Variants in NCALD observed in about 807,000 individuals in gnomAD.
NCALD encodes the protein neurocalcin delta.
Under a neutral mutation model 18.6 loss-of-function variants are expected in NCALD, and 10 were observed. That is an observed-to-expected ratio of 0.54 (90% CI 0.33 to 0.91). The LOEUF (loss-of-function observed/expected upper bound fraction) is 0.91, where lower values mean the gene tolerates loss of function less well. Among genes scored for constraint, NCALD ranks in the 40% least tolerant of loss-of-function variants. The pLI, the probability that NCALD is intolerant of heterozygous loss-of-function variation, is 0.03. For missense variants in NCALD, 184 were observed against 247.6 expected (o/e 0.74, Z 1.72); for synonymous variants, 88 against 87.4 (o/e 1.01, Z -0.04).
intron 2 of NCALD, among the ~76,000 whole-genome samples, chr8:101,717,656 C>T (rs1456882701): frequency 6.6e-6 from 1 of 152,126 alleles, no homozygotes; most frequent in African/African-American, 2.4e-5. Context: ...AGCAAAGGAG[C>T]ATTTTCCTGA....
At chr8:102,102,031 T>C (rs1369589587) in intron 1 of NCALD, among the ~76,000 whole-genome samples, 1 of 147,304 alleles carries the variant, frequency 6.8e-6, no homozygotes, top group Non-Finnish European at 1.5e-5. Context: ...AAACTCATCC[T>C]CTATTCTTCA....
At chr8:101,691,432 AAC>A (rs1409884239) in intron 3 of NCALD, 4 of 985,284 alleles carry the variant, frequency 4.1e-6, no homozygotes, top group African/African-American at 3.5e-5. Context: ...GCCTGTGATC[AAC>A]ACACAGTTAG....
At chr8:101,955,685 A>T (rs1414385918) in intron 2 of NCALD, among the ~76,000 whole-genome samples, 1 of 152,248 alleles carries the variant, frequency 6.6e-6, no homozygotes, top group Non-Finnish European at 1.5e-5. Flanking sequence ...GTTTAATTAA[A>T]TACAATAAGG....
intron 4 of NCALD, among the ~76,000 whole-genome samples, chr8:101,800,882 AGG>A (rs1812816007): frequency 1.7e-5 from 1 of 59,776 alleles, no homozygotes. Flanking sequence ...GAAAAAGGAG[AGG>A]GGAGGGGAGA....
intron 3 of NCALD, among the ~76,000 whole-genome samples, chr8:101,906,075 G>T (rs145170563): frequency 0.01 from 1,562 of 152,304 alleles, 15 homozygotes; most frequent in Middle Eastern, 0.037. Context: ...AATTATGGGT[G>T]ATGTCAAGTT....
intron 1 of NCALD, among the ~76,000 whole-genome samples, chr8:102,108,380 AACAGAGGACACTGACACTGAAG>A (rs1825540099): frequency 1.3e-5 from 2 of 152,196 alleles, no homozygotes; most frequent in African/African-American, 4.8e-5. Context: ...GTTATTTAGA[AACAGAGGACACTGACACTGAAG>A]ATCTCTAAGA....
At chr8:101,773,662 C>T (rs1056668327) in intron 1 of NCALD, among the ~76,000 whole-genome samples, 6 of 152,204 alleles carry the variant, frequency 3.9e-5, no homozygotes, top group African/African-American at 1.4e-4. Context: ...AGAGAGGCCC[C>T]AGCAGTGGCA....
At chr8:101,929,981 G>A (rs2131698916) in intron 2 of NCALD, among the ~76,000 whole-genome samples, 1 of 152,060 alleles carries the variant, frequency 6.6e-6, no homozygotes, top group East Asian at 1.9e-4. Flanking sequence ...CTTGAGCCTG[G>A]GAGATGGAGG....
chr8:101,828,682 G>T (rs556729999), intron 4 of NCALD, among the ~76,000 whole-genome samples: 2 of 151,800 alleles, frequency 1.3e-5, no homozygotes, highest in African/African-American at 4.8e-5. Context: ...GCTCACTGCA[G>T]CCTCAAACTC....
chr8:101,817,709 AGCAGCCTGAAAGAT>A, intron 4 of NCALD, among the ~76,000 whole-genome samples: 1 of 152,182 alleles, frequency 6.6e-6, no homozygotes, highest in East Asian at 1.9e-4. Flanking sequence ...TTCACTGCCC[AGCAGCCTGAAAGAT>A]GCATTGTTCC....
rs973181242 is a variant in NCALD at position 102,093,860 on chromosome 8, TG to T, written c.-210+30376del. Among the ~76,000 whole-genome samples, 52 of 152,284 alleles carry T rather than the reference TG, an allele frequency of 3.4e-4. 1 individual carries two copies. The highest frequency in any genetic ancestry group is 1.2e-3 in the African/African-American group (51 of 41,552). On this transcript the variant is annotated intron_variant, in intron 1 of 6. Coordinates refer to the NCALD transcript ENST00000311028. The stretch of plus-strand genomic sequence containing the variant: ...GCAATCAAACACAATTCCTAACTGA[TG>T]TGACAGTTAATGAAAAGAAACAAAC...
At chr8:101,853,069 T>C (rs1429950775) in intron 4 of NCALD, among the ~76,000 whole-genome samples, 1 of 152,178 alleles carries the variant, frequency 6.6e-6, no homozygotes, top group East Asian at 1.9e-4. Context: ...CCTGGTCCCA[T>C]CACTCACTAC....
intron 1 of NCALD, among the ~76,000 whole-genome samples, chr8:102,043,384 C>T (rs1331971859): frequency 1.3e-5 from 2 of 151,620 alleles, no homozygotes; most frequent in Non-Finnish European, 2.9e-5. Flanking sequence ...TAATTGTTTC[C>T]ATAGAGTTGA....
chr8:101,887,289 T>C (rs906267830), intron 3 of NCALD: 1 of 152,216 alleles, frequency 6.6e-6, no homozygotes, highest in East Asian at 1.9e-4. Flanking sequence ...GTAAAAGTTT[T>C]GGTGAGACTG....
At chr8:102,107,864 G>A (rs1253402668) in intron 1 of NCALD, among the ~76,000 whole-genome samples, 1 of 152,152 alleles carries the variant, frequency 6.6e-6, no homozygotes, top group Non-Finnish European at 1.5e-5. Flanking sequence ...TAGCGTCTCA[G>A]TGCCTCTGAC....
At chr8:101,985,453 C>T (rs184381702) in intron 2 of NCALD, among the ~76,000 whole-genome samples, 3 of 152,316 alleles carry the variant, frequency 2.0e-5, no homozygotes, top group African/African-American at 7.2e-5. Context: ...CCCAAACTTT[C>T]CTGGTAATTC....
At chr8:101,766,721 C>T (rs1389869357) in intron 1 of NCALD, among the ~76,000 whole-genome samples, 3 of 152,060 alleles carry the variant, frequency 2.0e-5, no homozygotes, top group East Asian at 1.9e-4. Flanking sequence ...GGATTACAGG[C>T]GCATGCCACC....
At chr8:101,899,408 G>A (rs919182176) in intron 3 of NCALD, among the ~76,000 whole-genome samples, 4 of 151,788 alleles carry the variant, frequency 2.6e-5, no homozygotes, top group Non-Finnish European at 1.5e-5. Context: ...TCTATTGCAT[G>A]TCAAACTTTC....
chr8:102,046,049 A>C (rs1445618145), intron 1 of NCALD, among the ~76,000 whole-genome samples: 1 of 152,244 alleles, frequency 6.6e-6, no homozygotes, highest in African/African-American at 2.4e-5. Context: ...CATTGTAAAT[A>C]AGCAACAGTT....
Sources: gnomAD v4.1 joint callset for allele counts (sites outside exome capture counted in the v4.1 genomes callset) on GRCh38, gnomAD v4.1.1 for gene constraint, MANE v1.5 for transcripts, NCBI Gene and HGNC (gene_info 2026-07-23, HGNC 2026-07-21) for gene names.